The following KIAA1671 variants were observed in gnomAD, a reference collection of about 807,000 sequenced individuals.
The protein encoded by KIAA1671 is KIAA1671, also known as uncharacterized protein KIAA1671.
In KIAA1671, 52 loss-of-function variants were observed where a neutral mutation model predicts 131.2. The ratio of observed to expected loss-of-function variants is 0.40; its 90% CI spans 0.32 to 0.50. The LOEUF (loss-of-function observed/expected upper bound fraction) is 0.50, where lower values mean the gene tolerates loss of function less well. KIAA1671 is among the 20% of genes least tolerant of loss of function. The probability of loss-of-function intolerance (pLI) is 0.73; values close to 1 mark genes in which losing one functional copy is unlikely to be tolerated. For synonymous variants in KIAA1671, 1,003 were observed against 961.6 expected (o/e 1.04, Z -0.80); for missense variants, 2,360 against 2,364.2 (o/e 1.00, Z 0.04).
chr22:25,040,864 A>G lies in KIAA1671; in HGVS notation c.3734A>G (p.Gln1245Arg), dbSNP rs1381681348. 4 of 1,545,562 alleles carry G rather than the reference A, an allele frequency of 2.6e-6. No individual in the cohort carries two copies. In the African/African-American group the frequency reaches 4.1e-5, roughly 16 times the overall value. The change falls in exon 5 of 13, where the codon CAG (glutamine) becomes CGG (arginine). Residue 1245 changes from glutamine to arginine, a missense_variant. Transcript: ENST00000358431. ...CCTGTTCAGCTGGGCGGGGTGGAGCAGAGAAGGAGGAGCCTGAAGGAGATG... is the reference window on the plus strand; with the variant it reads ...CCTGTTCAGCTGGGCGGGGTGGAGCGGAGAAGGAGGAGCCTGAAGGAGATG... ...ERPVQLGGVE[Q>R]RRRSLKEMPD...
At chr22:24,958,740 G>A (rs1921855626) in intron 1 of KIAA1671, among the ~76,000 whole-genome samples, 1 of 151,800 alleles carries the variant, frequency 6.6e-6, no homozygotes, top group African/African-American at 2.4e-5. Flanking sequence ...GGAGGCAGAG[G>A]CAGGTGAATC....
At chr22:25,061,161 G>A (rs950754623) in intron 6 of KIAA1671, 8 of 152,194 alleles carry the variant, frequency 5.3e-5, no homozygotes, top group Non-Finnish European at 8.8e-5. Flanking sequence ...AAAAAAGAGC[G>A]TGGGGTATGG....
At chr22:24,987,172 T>A (rs941587347) in intron 1 of KIAA1671, among the ~76,000 whole-genome samples, 18 of 140,358 alleles carry the variant, frequency 1.3e-4, no homozygotes, top group Middle Eastern at 7.1e-3. Context: ...ATTATTATTA[T>A]TTTTTTTTTT....
chr22:24,953,056 A>G (rs879512269), intron 1 of KIAA1671, among the ~76,000 whole-genome samples: 2 of 152,150 alleles, frequency 1.3e-5, no homozygotes, highest in Non-Finnish European at 2.9e-5. Context: ...GCACAGGGCA[A>G]CCAATGGATC....
intron 6 of KIAA1671, among the ~76,000 whole-genome samples, chr22:25,074,114 T>C (rs961785496): frequency 3.3e-5 from 5 of 152,182 alleles, no homozygotes; most frequent in Non-Finnish European, 5.9e-5. Flanking sequence ...TTCAATCATG[T>C]TGCAAATAAC....
At chr22:24,960,130 CAAAT>C (rs56860953) in intron 1 of KIAA1671, among the ~76,000 whole-genome samples, 47,415 of 146,778 alleles carry the variant, frequency 0.32, 7,966 homozygotes, top group East Asian at 0.58. Context: ...GACTCCGTCT[CAAAT>C]AAATAAATAA....
intron 5 of KIAA1671, among the ~76,000 whole-genome samples, chr22:25,042,739 C>T (rs1450203990): frequency 3.9e-5 from 6 of 151,952 alleles, no homozygotes; most frequent in African/African-American, 9.7e-5. Context: ...TCCCAAAGTG[C>T]TGGGATTACA....
intron 1 of KIAA1671, among the ~76,000 whole-genome samples, chr22:24,965,757 A>AAG (rs1555947789): frequency 2.0e-5 from 3 of 150,994 alleles, no homozygotes; most frequent in African/African-American, 7.4e-5. Context: ...AAAAAAAAAA[A>AAG]AAAAGAAAAG....
rs59590267 is a variant in KIAA1671, at chr22:25,188,447, G to GGTGTGTGTGTGTGTGT, written c.5343-2224_5343-2209dup. On this transcript the variant is annotated intron_variant, in intron 11 of 12. Transcript: ENST00000358431. ...TTCTCCAGAGAAACAGAGCCAATCG[G>GGTGTGTGTGTGTGTGT]GTGTGTGTGTGTGTGTGTGTGTGTG... Among the ~76,000 whole-genome samples the GGTGTGTGTGTGTGTGT allele has an allele frequency of 9.3e-4, 129 of 137,970 alleles. 1 individual carries two copies. Among genetic ancestry groups the GGTGTGTGTGTGTGTGT allele is most frequent in the Admixed American group, 5.2e-3 (70 of 13,458 alleles). 90.5% of individuals were successfully genotyped at this position (137,970 alleles called of 152,430 possible).
chr22:25,141,546 T>A (rs1441803119), intron 6 of KIAA1671, among the ~76,000 whole-genome samples: 2 of 152,128 alleles, frequency 1.3e-5, no homozygotes, highest in East Asian at 3.8e-4. Context: ...TTTTTCTTTG[T>A]AAATTTTTAT....
chr22:25,138,276 A>G (rs568686920), intron 6 of KIAA1671, among the ~76,000 whole-genome samples: 2 of 152,294 alleles, frequency 1.3e-5, no homozygotes, highest in African/African-American at 4.8e-5. Flanking sequence ...GAAGGAGATC[A>G]TGGCCAACCA....
At chr22:25,047,157 T>C (rs1391530407) in intron 5 of KIAA1671, among the ~76,000 whole-genome samples, 29 of 149,196 alleles carry the variant, frequency 1.9e-4, no homozygotes, top group African/African-American at 6.1e-4. Flanking sequence ...TTTTCTTTTT[T>C]TTTTTTTTTT....
chr22:25,096,577 C>T (rs146924912), intron 6 of KIAA1671, among the ~76,000 whole-genome samples: 2 of 152,300 alleles, frequency 1.3e-5, no homozygotes, highest in Non-Finnish European at 2.9e-5. Context: ...CAAAGTTCTG[C>T]CTATTACAAG....
chr22:25,096,426 C>T (rs888220441), intron 6 of KIAA1671, among the ~76,000 whole-genome samples: 4 of 152,132 alleles, frequency 2.6e-5, no homozygotes, highest in African/African-American at 9.7e-5. Context: ...CAGAGGTGGT[C>T]TTAGCAGTCA....
chr22:25,189,311 T>C (rs1007092615), intron 11 of KIAA1671, among the ~76,000 whole-genome samples: 1 of 152,110 alleles, frequency 6.6e-6, no homozygotes, highest in South Asian at 2.1e-4. Flanking sequence ...TAGCTGGGAC[T>C]ACAGGCACCC....
At chr22:25,033,255 A>T (rs1290952231) in intron 4 of KIAA1671, among the ~76,000 whole-genome samples, 3 of 151,852 alleles carry the variant, frequency 2.0e-5, no homozygotes, top group East Asian at 1.9e-4. Context: ...AATTAGCCAG[A>T]TGTGGTTGTG....
At chr22:25,172,120 A>G (rs1463728404) in intron 7 of KIAA1671, among the ~76,000 whole-genome samples, 1 of 152,156 alleles carries the variant, frequency 6.6e-6, no homozygotes, top group Non-Finnish European at 1.5e-5. Flanking sequence ...ACTTAAATTT[A>G]TCTAGAATAC....
chr22:25,108,243 A>G (rs895660733), intron 6 of KIAA1671, among the ~76,000 whole-genome samples: 9 of 152,060 alleles, frequency 5.9e-5, no homozygotes, highest in Non-Finnish European at 1.3e-4. Context: ...TTGATTTAAC[A>G]TTTTTCCTCC....
intron 1 of KIAA1671, among the ~76,000 whole-genome samples, chr22:25,005,631 G>A (rs754301502): frequency 6.6e-6 from 1 of 152,188 alleles, no homozygotes; most frequent in East Asian, 1.9e-4. Context: ...CTGCCTCGTG[G>A]TAGTGTCCCC....
Sources: gnomAD v4.1 joint callset for allele counts (sites outside exome capture counted in the v4.1 genomes callset) on GRCh38, gnomAD v4.1.1 for gene constraint, MANE v1.5 for transcripts, NCBI Gene and HGNC (gene_info 2026-07-23, HGNC 2026-07-21) for gene names.